The following NALF1 variants were observed in gnomAD, a reference collection of about 807,000 sequenced individuals.
The protein encoded by NALF1 is family with sequence similarity 155 member A.
In NALF1, 3 loss-of-function variants were observed where a neutral mutation model predicts 48.4. The observed-to-expected ratio is 0.06, with a 90% CI of 0.03 to 0.16. The LOEUF is 0.16. Ranked by LOEUF, NALF1 falls within the 10% of genes least tolerant of loss-of-function variation. The probability of loss-of-function intolerance (pLI) is 1.00; values close to 1 mark genes in which losing one functional copy is unlikely to be tolerated. For synonymous variants in NALF1, 262 were observed against 245.7 expected, an observed-to-expected ratio of 1.07 and a Z score of -0.62; for missense variants, 526 against 571.5, an observed-to-expected ratio of 0.92 and a Z score of 0.81.
intron 1 of NALF1, among the ~76,000 whole-genome samples, chr13:107,565,801 T>C (rs1281218151): frequency 2.0e-5 from 3 of 152,220 alleles, no homozygotes; most frequent in African/African-American, 7.2e-5. Context: ...TTCTTGAATG[T>C]TATGAACCTA....
At chr13:107,371,775 A>G (rs1883252514) in intron 1 of NALF1, among the ~76,000 whole-genome samples, 3 of 152,228 alleles carry the variant, frequency 2.0e-5, no homozygotes, top group Admixed American at 2.0e-4. Flanking sequence ...AAAATCAGCT[A>G]TTCTTTATTC....
chr13:107,385,220 TC>T (rs1883507055), intron 1 of NALF1, among the ~76,000 whole-genome samples: 1 of 152,220 alleles, frequency 6.6e-6, no homozygotes, highest in Non-Finnish European at 1.5e-5. Flanking sequence ...TGGTTCTTTT[TC>T]TTTTTCCTTT....
intron 1 of NALF1, among the ~76,000 whole-genome samples, chr13:107,271,814 A>ATATATATATATATTTATT (rs1374366280): frequency 3.2e-4 from 33 of 102,522 alleles, no homozygotes; most frequent in Non-Finnish European, 4.3e-4. Context: ...ATATATATAT[A>ATATATATATATATTTATT]TATTTATATA....
At chr13:107,317,237 T>C (rs145334333) in intron 1 of NALF1, among the ~76,000 whole-genome samples, 4 of 152,208 alleles carry the variant, frequency 2.6e-5, no homozygotes, top group Admixed American at 1.3e-4. Context: ...TTTCAAGAGT[T>C]AGACGACCCA....
intron 1 of NALF1, among the ~76,000 whole-genome samples, chr13:107,429,649 G>A (rs1035956121): frequency 6.6e-6 from 1 of 152,064 alleles, no homozygotes; most frequent in Non-Finnish European, 1.5e-5. Context: ...TACTCAACAG[G>A]GTTATCAATG....
chr13:107,424,121 T>TAAATAAAC (rs570369397), intron 1 of NALF1, among the ~76,000 whole-genome samples: 215 of 152,284 alleles, frequency 1.4e-3, no homozygotes, highest in African/African-American at 4.9e-3. Context: ...ATGAGGAAGA[T>TAAATAAAC]ACAGCTATTT....
chr13:107,858,155 C>T (rs549005426), intron 1 of NALF1, among the ~76,000 whole-genome samples: 317 of 152,268 alleles, frequency 2.1e-3, no homozygotes, highest in Non-Finnish European at 2.8e-3. Context: ...ATCCTAGTTG[C>T]CCAGGACTCT....
chr13:107,240,939 T>C (rs1029338751), intron 1 of NALF1, among the ~76,000 whole-genome samples: 1 of 150,414 alleles, frequency 6.6e-6, no homozygotes, highest in Non-Finnish European at 1.5e-5. Flanking sequence ...TGCCTGAGAC[T>C]GGGAAATTTA....
chr13:107,515,180 C>T (rs2139090904), intron 1 of NALF1, among the ~76,000 whole-genome samples: 1 of 152,236 alleles, frequency 6.6e-6, no homozygotes, highest in Non-Finnish European at 1.5e-5. Flanking sequence ...AGAAACTACT[C>T]CAGACTGAGA....
rs543554396 is a variant in NALF1 at position 107,600,356 on chromosome 13, G to A, written c.915+265326C>T. ...TTATATTATCAATATTTTAGAGTTA[G>A]AATGACTTAAGATTTTCATCCCACA... On this transcript the variant is annotated intron_variant, in intron 1 of 2. Transcript: ENST00000375915. 2.0e-5 allele frequency among the ~76,000 whole-genome samples: 3 copies of A among 152,278 alleles called. No individual in the cohort carries two copies. In the East Asian group the frequency reaches 5.8e-4, roughly 29 times the overall value.
chr13:107,456,214 C>T (rs1884822823), intron 1 of NALF1, among the ~76,000 whole-genome samples: 1 of 152,170 alleles, frequency 6.6e-6, no homozygotes, highest in Admixed American at 6.5e-5. Flanking sequence ...TCTCACCTGA[C>T]ACTAGAGTGC....
At chr13:107,349,298 T>C (rs1882829063) in intron 1 of NALF1, among the ~76,000 whole-genome samples, 1 of 152,206 alleles carries the variant, frequency 6.6e-6, no homozygotes, top group Non-Finnish European at 1.5e-5. Flanking sequence ...GCCCAACTCA[T>C]GGCTCCTGGC....
At chr13:107,506,409 T>C (rs1875696910) in intron 1 of NALF1, among the ~76,000 whole-genome samples, 1 of 152,128 alleles carries the variant, frequency 6.6e-6, no homozygotes, top group Admixed American at 6.6e-5. Flanking sequence ...AATTGAGATA[T>C]AATTTACATA....
At chr13:107,250,849 C>G (rs1387188928) in intron 1 of NALF1, among the ~76,000 whole-genome samples, 1 of 152,070 alleles carries the variant, frequency 6.6e-6, no homozygotes, top group African/African-American at 2.4e-5. Context: ...TAAGTTCTCG[C>G]TGGTTGTTTG....
intron 1 of NALF1, among the ~76,000 whole-genome samples, chr13:107,316,586 C>G (rs1264107141): frequency 6.6e-6 from 1 of 152,126 alleles, no homozygotes; most frequent in Non-Finnish European, 1.5e-5. Flanking sequence ...TAATGATGGC[C>G]ATTCTAACTG....
chr13:107,722,210 G>A (rs1360019515), intron 1 of NALF1, among the ~76,000 whole-genome samples: 1 of 152,006 alleles, frequency 6.6e-6, no homozygotes, highest in Non-Finnish European at 1.5e-5. Flanking sequence ...TATCCTTTCT[G>A]TATTCAGAAT....
At chr13:107,263,531 C>T (rs1466249933) in intron 1 of NALF1, among the ~76,000 whole-genome samples, 2 of 152,092 alleles carry the variant, frequency 1.3e-5, no homozygotes, top group Non-Finnish European at 2.9e-5. Flanking sequence ...TGGGAGATAA[C>T]TGAATCATGG....
Position 107,246,496 on chromosome 13 carries a change from G to A in NALF1, c.916-35741C>T, listed in dbSNP as rs374177044. 2.8e-4 allele frequency among the ~76,000 whole-genome samples: 42 copies of A among 152,188 alleles called. 1 individual carries two copies. Among genetic ancestry groups the A allele is most frequent in the African/African-American group, 9.9e-4 (41 of 41,528 alleles). Reference sequence around the variant, plus strand: ...TTCACTCCCTCCTTCTAAGAAGATCGATTTTTAAAAAAAGTCTTTTTCTGT... The same window carrying A: ...TTCACTCCCTCCTTCTAAGAAGATCAATTTTTAAAAAAAGTCTTTTTCTGT... On this transcript the variant is annotated intron_variant, in intron 1 of 2. Transcript: ENST00000375915.
chr13:107,749,578 C>T, intron 1 of NALF1, among the ~76,000 whole-genome samples: 1 of 151,754 alleles, frequency 6.6e-6, no homozygotes, highest in Non-Finnish European at 1.5e-5. Context: ...ATTTTACATA[C>T]TATAATATAC....
Sources: gnomAD v4.1 joint callset for allele counts (sites outside exome capture counted in the v4.1 genomes callset) on GRCh38, gnomAD v4.1.1 for gene constraint, MANE v1.5 for transcripts, NCBI Gene and HGNC (gene_info 2026-07-23, HGNC 2026-07-21) for gene names.